CRMP1: variants seen among roughly 807,000 people sequenced by gnomAD.
CRMP1 encodes collapsin response mediator protein 1, also known as dihydropyrimidinase-related protein 1.
A neutral mutation model predicts 68.3 loss-of-function variants in CRMP1; 19 were observed. The ratio of observed to expected loss-of-function variants is 0.28; its 90% CI spans 0.19 to 0.41. The LOEUF (loss-of-function observed/expected upper bound fraction) is 0.41. Among genes scored for constraint, CRMP1 ranks in the 10% least tolerant of loss-of-function variants. The probability of loss-of-function intolerance (pLI) is 1.00; values close to 1 mark genes in which losing one functional copy is unlikely to be tolerated. For synonymous variants in CRMP1, 439 were observed against 399.6 expected (o/e 1.10, Z -1.18); for missense variants, 791 against 967.4 (o/e 0.82, Z 2.42).
At position 5,890,449 on chromosome 4, in the gene CRMP1, G is replaced by C. The variant is rs1423979939; in HGVS notation, c.381+2140C>G. On this transcript the variant is annotated intron_variant, in intron 1 of 13. Transcript: ENST00000324989. The surrounding 1 kb of genome is among the most constrained non-coding windows in gnomAD (Gnocchi z 5.5). ...CGGGGGGGGAAGGGCCGGGGCACCC[G>C]TTGCGAAGCCCTGGAGCGGTGAGGC... Among the ~76,000 whole-genome samples, 1 of 152,226 alleles carries C rather than the reference G, an allele frequency of 6.6e-6. No homozygotes were observed. Among genetic ancestry groups the C allele is most frequent in the African/African-American group, 2.4e-5 (1 of 41,474 alleles).
intron 13 of CRMP1, among the ~76,000 whole-genome samples, chr4:5,823,694 C>T (rs1206075826): frequency 6.6e-6 from 1 of 152,218 alleles, no homozygotes; most frequent in Non-Finnish European, 1.5e-5. Context: ...CACGCTAGCT[C>T]TCCTTCGCCT....
chr4:5,865,414 G>A lies in CRMP1; in HGVS notation c.470+1254C>T, dbSNP rs1016993726. Among the ~76,000 whole-genome samples, 8 of 152,064 alleles carry A rather than the reference G, an allele frequency of 5.3e-5. No homozygotes were observed. Among genetic ancestry groups the A allele is most frequent in the Non-Finnish European group, 1.0e-4 (7 of 68,024 alleles). On this transcript the variant is annotated intron_variant, in intron 2 of 13. Coordinates refer to ENST00000324989, the MANE Select transcript of CRMP1 (RefSeq NM_001014809.3). This position sits in a 1 kb window ranked among gnomAD's most constrained non-coding sequence, Gnocchi z 4.1. ...AGGCGAGCGGATCACGAGGTCAGGA[G>A]ATCGAGACCATCCTGGCCAACATGG...
chr4:5,848,295 G>GT (rs1202617916), intron 6 of CRMP1, among the ~76,000 whole-genome samples: 2 of 152,072 alleles, frequency 1.3e-5, no homozygotes, highest in African/African-American at 4.8e-5. Context: ...ATTCTCACCT[G>GT]TAATACCTGT....
intron 1 of CRMP1, chr4:5,887,359 G>A (rs191591271): frequency 8.1e-6 from 8 of 985,514 alleles, no homozygotes; most frequent in African/African-American, 1.7e-5. Context: ...CCAGAATCCC[G>A]CCTCCCGGCC....
intron 4 of CRMP1, among the ~76,000 whole-genome samples, chr4:5,852,089 C>T (rs549598063): frequency 3.3e-5 from 5 of 152,148 alleles, no homozygotes; most frequent in South Asian, 4.1e-4. Context: ...ATCTGCAATA[C>T]GGAAGATGAA....
intron 1 of CRMP1, among the ~76,000 whole-genome samples, chr4:5,886,301 G>C (rs979570481): frequency 3.9e-5 from 6 of 152,226 alleles, no homozygotes; most frequent in African/African-American, 1.4e-4. Flanking sequence ...TTCACAGGAA[G>C]AACTAAAGCA....
At chr4:5,856,413 T>TCATCATCATCACCATCACCACCAC (rs1318075677) in intron 3 of CRMP1, 106 bp from the exon 4 acceptor site, 5 of 973,596 alleles carry the variant, frequency 5.1e-6, no homozygotes, top group African/African-American at 1.6e-5. Flanking sequence ...ATCACCACCA[T>TCATCATCATCACCATCACCACCAC]CATCATCATC....
chr4:5,821,520 T>C lies in CRMP1; in HGVS notation c.*240A>G, dbSNP rs1226846345. The stretch of plus-strand genomic sequence containing the variant: ...CCTGTGGTTCACTAGGAAGGGGGAA[T>C]GAAAACACCATGCTCCGAGGTGGAT... On this transcript the variant is annotated 3_prime_UTR_variant, in exon 14 of 14. Coordinates refer to ENST00000324989, the MANE Select transcript of CRMP1 (RefSeq NM_001014809.3). This position sits in a 1 kb window ranked among gnomAD's most constrained non-coding sequence, Gnocchi z 4.4. The C allele has an allele frequency of 3.7e-6, 2 of 536,152 alleles. No homozygotes were observed. The highest frequency in any genetic ancestry group is 6.7e-6 in the Non-Finnish European group (2 of 298,900). 33.2% of individuals were successfully genotyped at this position (536,152 alleles called of 1,614,324 possible).
rs1712553479 is a variant in CRMP1, at chr4:5,850,619, T to C, written c.882+789A>G. ...CCATCCTAGCACTTTACTCTTCTTA[T>C]GAAATCATTCAACTGCCTCTATAAG... On this transcript the variant is annotated intron_variant, in intron 5 of 13. Coordinates refer to ENST00000324989, the MANE Select transcript of CRMP1 (RefSeq NM_001014809.3). The surrounding 1 kb of genome is among the most constrained non-coding windows in gnomAD (Gnocchi z 4.4). 6.6e-6 allele frequency among the ~76,000 whole-genome samples: 1 copy of C among 152,178 alleles called. No homozygotes were observed. The highest frequency in any genetic ancestry group is 1.5e-5 in the Non-Finnish European group (1 of 68,028).
rs1420234265 is a variant in CRMP1, at chr4:5,860,049, A to G, written c.655+977T>C. ...GCCATCGGGCTGCACAGGGCAATGG[A>G]GGAGGAGTCCAGTTTCCCAGACCGA... On this transcript the variant is annotated intron_variant, in intron 3 of 13. Transcript: ENST00000324989. The surrounding 1 kb of genome is among the most constrained non-coding windows in gnomAD (Gnocchi z 4.2). 6.6e-6 allele frequency among the ~76,000 whole-genome samples: 1 copy of G among 152,092 alleles called. No homozygotes were observed. Among genetic ancestry groups the G allele is most frequent in the African/African-American group, 2.4e-5 (1 of 41,422 alleles).
intron 1 of CRMP1, among the ~76,000 whole-genome samples, chr4:5,878,758 A>T (rs974748884): frequency 6.6e-6 from 1 of 151,970 alleles, no homozygotes; most frequent in Non-Finnish European, 1.5e-5. Flanking sequence ...AAAATTTTGA[A>T]TGTGAAATGA....
chr4:5,848,037 C>T (rs1019145547), intron 6 of CRMP1, among the ~76,000 whole-genome samples: 1 of 152,146 alleles, frequency 6.6e-6, no homozygotes, highest in African/African-American at 2.4e-5. Flanking sequence ...TCCATGGGTC[C>T]TGTAGATTGT....
rs1437072064 is a variant in CRMP1, at chr4:5,891,810, G to A, written c.381+779C>T. Among the ~76,000 whole-genome samples, 3 of 152,178 alleles carry A rather than the reference G, an allele frequency of 2.0e-5. No individual in the cohort carries two copies. Among genetic ancestry groups the A allele is most frequent in the Admixed American group, 2.0e-4 (3 of 15,284 alleles). The stretch of plus-strand genomic sequence containing the variant: ...CCCAGCTCAAGAGAGAATACCCGCA[G>A]GGCCCAAGCCCTAGCGTTCCCTCTC... On this transcript the variant is annotated intron_variant, in intron 1 of 13. Transcript: ENST00000324989. The surrounding 1 kb of genome is among the most constrained non-coding windows in gnomAD (Gnocchi z 5.2).
rs114294934 is a variant in CRMP1 at position 5,887,134 on chromosome 4, C to T, written c.381+5455G>A. On this transcript the variant is annotated intron_variant, in intron 1 of 13. Transcript: ENST00000324989. The stretch of plus-strand genomic sequence containing the variant: ...GGAGCTTTACGTGGGTAATGCCACC[C>T]GCAAAGCCTTGCTGCCACCATTTAA... Among the ~76,000 whole-genome samples, 386 of 152,286 alleles carry T rather than the reference C, an allele frequency of 2.5e-3. 2 individuals carry two copies. Among genetic ancestry groups the T allele is most frequent in the African/African-American group, 8.7e-3 (361 of 41,556 alleles).
At chr4:5,829,521 A>ACAAT (rs1204864526) in intron 11 of CRMP1, among the ~76,000 whole-genome samples, 39 of 152,208 alleles carry the variant, frequency 2.6e-4, no homozygotes. Flanking sequence ...ATGGTTGAAA[A>ACAAT]CAATCAACTG....
rs117477153 is a variant in CRMP1, at chr4:5,830,748, G to A, written c.1624-2080C>T. On this transcript the variant is annotated intron_variant, in intron 11 of 13. Coordinates refer to ENST00000324989, the MANE Select transcript of CRMP1 (RefSeq NM_001014809.3). ...AATAACTGGGATGACTGATACCCCC[G>A]GGCCCAGTCTTCCCTTTTTTCAGAA... Among the ~76,000 whole-genome samples, 25 of 152,176 alleles carry A rather than the reference G, an allele frequency of 1.6e-4. No homozygotes were observed. The East Asian group carries it at 4.0e-3, about 25-fold the overall frequency.
Position 5,888,150 on chromosome 4 carries a change from G to T in CRMP1, c.381+4439C>A. 1 of 1,226,452 alleles carries T rather than the reference G, an allele frequency of 8.2e-7. No individual in the cohort carries two copies. 76.0% of individuals were successfully genotyped at this position (1,226,452 alleles called of 1,614,324 possible). A position where few individuals can be genotyped will look rare whatever the true frequency, so the allele number is the denominator to read the frequency against. ...CGGGGGGCGCCCCTGCCGGCGCCCC[G>T]TGGATCTGGACCCTGCCGGGCGCCC... On this transcript the variant is annotated intron_variant, in intron 1 of 13. Coordinates refer to ENST00000324989, the MANE Select transcript of CRMP1 (RefSeq NM_001014809.3). This position sits in a 1 kb window ranked among gnomAD's most constrained non-coding sequence, Gnocchi z 6.4.
Position 5,855,283 on chromosome 4 carries a change from A to T in CRMP1, c.820+860T>A, listed in dbSNP as rs766563005. Among the ~76,000 whole-genome samples the T allele has an allele frequency of 1.3e-4, 20 of 152,312 alleles. No homozygotes were observed. The highest frequency in any genetic ancestry group is 1.0e-3 in the Admixed American group (16 of 15,302). ...TTTAAATATTGGGGATGATACTGTTATTACGAGAAAACATAGCACAGCTAT... is the reference window on the plus strand; with the variant it reads ...TTTAAATATTGGGGATGATACTGTTTTTACGAGAAAACATAGCACAGCTAT... On this transcript the variant is annotated intron_variant, in intron 4 of 13. Coordinates refer to ENST00000324989, the MANE Select transcript of CRMP1 (RefSeq NM_001014809.3). This position sits in a 1 kb window ranked among gnomAD's most constrained non-coding sequence, Gnocchi z 4.9.
In CRMP1 at chr4:5,834,264, A is replaced by G. The variant is rs1720577223; in HGVS notation, c.1623+1651T>C. On this transcript the variant is annotated intron_variant, in intron 11 of 13. Coordinates refer to ENST00000324989, the MANE Select transcript of CRMP1 (RefSeq NM_001014809.3). This position sits in a 1 kb window ranked among gnomAD's most constrained non-coding sequence, Gnocchi z 4.3. Reference sequence around the variant, plus strand: ...CCCCTCAAAATTCAACTGGACATTGACTTGCCATTGCAATGGTATTAAGAT... The same window carrying G: ...CCCCTCAAAATTCAACTGGACATTGGCTTGCCATTGCAATGGTATTAAGAT... Among the ~76,000 whole-genome samples the G allele has an allele frequency of 6.6e-6, 1 of 152,192 alleles. No individual in the cohort carries two copies. The highest frequency in any genetic ancestry group is 2.4e-5 in the African/African-American group (1 of 41,436).
Sources: allele counts gnomAD v4.1 joint callset (sites outside exome capture counted in the v4.1 genomes callset), GRCh38; gene constraint gnomAD v4.1.1; non-coding constraint Gnocchi (gnomAD v3.1); transcripts MANE v1.5; gene names NCBI Gene and HGNC (gene_info 2026-07-23, HGNC 2026-07-21).